Variants in RNF216 observed in about 807,000 individuals in gnomAD.
RNF216 encodes the protein E3 ubiquitin-protein ligase RNF216.
In RNF216, 72 loss-of-function variants were observed where a neutral mutation model predicts 110.8. The ratio of observed to expected loss-of-function variants is 0.65; its 90% CI spans 0.54 to 0.79. The LOEUF (loss-of-function observed/expected upper bound fraction) is 0.79, where lower values mean the gene tolerates loss of function less well. RNF216 is among the 30% of genes least tolerant of loss of function. The pLI is 0.00. For synonymous variants in RNF216, 495 were observed against 407.5 expected (o/e 1.21, Z -2.59); for missense variants, 1,342 against 1,141.2 (o/e 1.18, Z -2.54).
chr7:5,754,119 GGT>G (rs10543449), intron 2 of RNF216, among the ~76,000 whole-genome samples: 22,874 of 141,798 alleles, frequency 0.16, 1,990 homozygotes, highest in East Asian at 0.34. Flanking sequence ...TCTTTTGTGT[GGT>G]GTGTGTGTGT....
Position 5,641,175 on chromosome 7 carries a change from G to C in RNF216, c.2361C>G (p.Cys787Trp). 2 of 1,613,904 alleles carry C rather than the reference G, an allele frequency of 1.2e-6. No individual in the cohort carries two copies. Among genetic ancestry groups the C allele is most frequent in the Admixed American group, 1.7e-5 (1 of 60,022 alleles). ...TTACAGTGGGATCGGTCCAGAGAGA[G>C]CATCTTGAACACTCCTGGCAAGGGG... ...PGAPCQECSRCSLWTDPTEDD... is the reference protein window; with the variant it reads ...PGAPCQECSRWSLWTDPTEDD... The change falls in exon 15 of 17, where the codon TGC becomes TGG. Residue 787 changes from cysteine (C) to tryptophan (W), a missense_variant. Coordinates refer to ENST00000389902, the MANE Select transcript of RNF216 (RefSeq NM_207111.4).
At chr7:5,628,962 C>A (rs1016810145) in intron 15 of RNF216, among the ~76,000 whole-genome samples, 2 of 151,922 alleles carry the variant, frequency 1.3e-5, no homozygotes, top group African/African-American at 4.8e-5. Flanking sequence ...TTTGGGAGTT[C>A]GAGGTGGGTG....
chr7:5,661,756 TTG>T (rs1288894878), intron 13 of RNF216, among the ~76,000 whole-genome samples: 2 of 152,152 alleles, frequency 1.3e-5, no homozygotes, highest in Non-Finnish European at 2.9e-5. Context: ...TGAGCTGAGA[TTG>T]TGCCACTACA....
intron 13 of RNF216, among the ~76,000 whole-genome samples, chr7:5,702,545 G>C (rs1368437948): frequency 1.3e-5 from 2 of 152,118 alleles, no homozygotes; most frequent in African/African-American, 4.8e-5. Flanking sequence ...AGGGAGGCAA[G>C]CAACATTTGC....
At chr7:5,641,506 A>C in intron 14 of RNF216, 130 bp from the exon 15 acceptor site, 1 of 743,874 alleles carries the variant, frequency 1.3e-6, no homozygotes, top group Admixed American at 2.9e-5. Context: ...AACAGTGAAA[A>C]GAGCCTAGGT....
intron 13 of RNF216, among the ~76,000 whole-genome samples, chr7:5,685,603 A>G (rs1046307649): frequency 1.3e-5 from 2 of 152,234 alleles, no homozygotes; most frequent in South Asian, 2.1e-4. Context: ...GCGGTGAGCT[A>G]AAAGTGAGAG....
At chr7:5,727,266 G>A (rs1793818190) in intron 7 of RNF216, among the ~76,000 whole-genome samples, 1 of 152,166 alleles carries the variant, frequency 6.6e-6, no homozygotes, top group Admixed American at 6.5e-5. Context: ...CTTATCAAAG[G>A]AGCTGTTTAT....
rs528055841 is a variant in RNF216 at position 5,758,296 on chromosome 7, T to G, written c.67+2707A>C. ...TCCAATAAATTATGGCTACAATCAC[T>G]ACCAAGTTAGAATACATTATTAATA... On this transcript the variant is annotated intron_variant, in intron 2 of 16. Transcript: ENST00000389902. Among the ~76,000 whole-genome samples, 12 of 152,328 alleles carry G rather than the reference T, an allele frequency of 7.9e-5. No homozygotes were observed. The South Asian group carries it at 2.5e-3, about 32-fold the overall frequency.
Position 5,725,450 on chromosome 7 carries a change from G to C in RNF216, c.1390-12C>G. On this transcript the variant is annotated splice_polypyrimidine_tract_variant and intron_variant, in intron 7 of 16. Coordinates refer to ENST00000389902, the MANE Select transcript of RNF216 (RefSeq NM_207111.4). ...GCATCAGACAAGGCCTAAAAATTGA[G>C]AAAAGGAAAGGTTCCTTCTGTAAAT... 1 of 1,457,940 alleles carries C rather than the reference G, an allele frequency of 6.9e-7. No homozygotes were observed. Among genetic ancestry groups the C allele is most frequent in the Non-Finnish European group, 9.6e-7 (1 of 1,041,540 alleles). The allele number at this position is 1,457,940 out of a possible 1,614,324, so 90.3% of individuals were successfully genotyped here.
intron 1 of RNF216, among the ~76,000 whole-genome samples, chr7:5,772,668 A>G (rs146884509): frequency 2.8e-4 from 42 of 152,300 alleles, no homozygotes; most frequent in African/African-American, 9.4e-4. Context: ...TTCTCAACTT[A>G]TAGAATGTGA....
At chr7:5,673,020 C>T (rs182335612) in intron 13 of RNF216, among the ~76,000 whole-genome samples, 16 of 152,242 alleles carry the variant, frequency 1.1e-4, no homozygotes, top group Admixed American at 8.5e-4. Flanking sequence ...ACAAGAGACA[C>T]GGGGCAGGGG....
At chr7:5,727,964 C>A (rs1252269107) in intron 7 of RNF216, among the ~76,000 whole-genome samples, 1 of 151,956 alleles carries the variant, frequency 6.6e-6, no homozygotes, top group Non-Finnish European at 1.5e-5. Flanking sequence ...ATCCTATCTA[C>A]AGTCTGTATT....
intron 1 of RNF216, among the ~76,000 whole-genome samples, chr7:5,776,817 C>T (rs1344408345): frequency 7.1e-6 from 1 of 141,012 alleles, no homozygotes; most frequent in Non-Finnish European, 1.5e-5. Context: ...ACAAGAATGG[C>T]TTGAACCTGG....
intron 13 of RNF216, among the ~76,000 whole-genome samples, chr7:5,663,341 G>A (rs1461753507): frequency 6.6e-6 from 1 of 152,202 alleles, no homozygotes; most frequent in African/African-American, 2.4e-5. Context: ...AGCACTTTGG[G>A]AGGCCGAGGC....
At chr7:5,703,063 GACTC>G (rs1792071875) in intron 13 of RNF216, among the ~76,000 whole-genome samples, 1 of 152,122 alleles carries the variant, frequency 6.6e-6, no homozygotes, top group Admixed American at 6.5e-5. Flanking sequence ...TGAAGAAAGT[GACTC>G]ACCTTGGAGG....
intron 1 of RNF216, among the ~76,000 whole-genome samples, chr7:5,764,778 G>T (rs1404873245): frequency 6.6e-6 from 1 of 152,072 alleles, no homozygotes; most frequent in Non-Finnish European, 1.5e-5. Context: ...TCAAGAGTAA[G>T]GGTAGCGGCT....
chr7:5,778,766 C>A lies in RNF216; in HGVS notation c.-70+2775G>T, dbSNP rs548158143. ...TTTAAAATTATTATTATTTTTGAGA[C>A]GGAGTCTCGCTCTGTCACCCAGGCT... On this transcript the variant is annotated intron_variant, in intron 1 of 16. Coordinates refer to ENST00000389902, the MANE Select transcript of RNF216 (RefSeq NM_207111.4). 2.0e-5 allele frequency among the ~76,000 whole-genome samples: 3 copies of A among 152,238 alleles called. No individual in the cohort carries two copies. The East Asian group carries it at 5.8e-4, about 29-fold the overall frequency.
rs1021574630 is a variant in RNF216, at chr7:5,698,545, C to G, written c.2061+13216G>C. ...GCTGGGACTACAGATGCACAGCACCCATGCCTTATTAAATTTTTTTCTATT... is the reference window on the plus strand; with the variant it reads ...GCTGGGACTACAGATGCACAGCACCGATGCCTTATTAAATTTTTTTCTATT... On this transcript the variant is annotated intron_variant, in intron 13 of 16. Coordinates refer to ENST00000389902, the MANE Select transcript of RNF216 (RefSeq NM_207111.4). 5.9e-5 allele frequency among the ~76,000 whole-genome samples: 9 copies of G among 152,214 alleles called. No homozygotes were observed. In the East Asian group the frequency reaches 1.7e-3, roughly 29 times the overall value.
chr7:5,751,442 C>G (rs755416252), intron 3 of RNF216, among the ~76,000 whole-genome samples: 11 of 152,182 alleles, frequency 7.2e-5, no homozygotes, highest in Non-Finnish European at 1.5e-5. Context: ...ATGTAAGTTT[C>G]ATACTACCAA....
Sources: allele counts gnomAD v4.1 joint callset (sites outside exome capture counted in the v4.1 genomes callset), GRCh38; gene constraint gnomAD v4.1.1; transcripts MANE v1.5; gene names NCBI Gene and HGNC (gene_info 2026-07-23, HGNC 2026-07-21).